Variants in DMD observed in about 807,000 individuals in gnomAD.
DMD encodes the protein mutant dystrophin.
DMD carries 63 observed loss-of-function variants against 330.1 expected under a neutral mutation model. The observed-to-expected ratio is 0.19, with a 90% CI of 0.16 to 0.24. The LOEUF is 0.24. DMD is among the 10% of genes least tolerant of loss of function. The pLI is 1.00. For synonymous variants in DMD, 1,223 were observed against 959.8 expected (o/e 1.27, Z -5.07); for missense variants, 3,344 against 2,684.1 (o/e 1.25, Z -5.43).
At chrX:32,968,022 A>T (rs1238998214) in intron 2 of DMD, among the ~76,000 whole-genome samples, 5 of 111,708 alleles carry the variant, frequency 4.5e-5, no homozygotes, top group Non-Finnish European at 9.4e-5. Flanking sequence ...TTCTTAACAG[A>T]CTATCATTTT....
chrX:33,314,570 G>GTTT (rs1170142842), intron 1 of DMD, among the ~76,000 whole-genome samples: 23 of 79,038 alleles, frequency 2.9e-4, no homozygotes, highest in Middle Eastern at 7.9e-3. Flanking sequence ...TTTTTTTTTT[G>GTTT]TTTTTTTTTT....
At chrX:31,268,012 T>A (rs2051314861) in intron 62 of DMD, among the ~76,000 whole-genome samples, 1 of 112,195 alleles carries the variant, frequency 8.9e-6, no homozygotes, top group Admixed American at 9.4e-5. Context: ...CCTTTCCGAT[T>A]GATTCATTCC....
At chrX:33,301,694 G>A (rs1446966861) in intron 1 of DMD, among the ~76,000 whole-genome samples, 1 of 111,500 alleles carries the variant, frequency 9.0e-6, no homozygotes, top group East Asian at 2.8e-4. Context: ...AGAGAGAAGG[G>A]ATGCTGTGTC....
intron 55 of DMD, among the ~76,000 whole-genome samples, chrX:31,510,174 A>G (rs1174828017): frequency 8.9e-6 from 1 of 111,905 alleles, no homozygotes; most frequent in Admixed American, 9.5e-5. Context: ...TGTGAAGTAC[A>G]TCACATTTTC....
At chrX:31,739,473 G>A (rs2087130683) in intron 51 of DMD, among the ~76,000 whole-genome samples, 1 of 111,342 alleles carries the variant, frequency 9.0e-6, no homozygotes, top group African/African-American at 3.3e-5. Context: ...TTGTAGTAAT[G>A]TTTCAATTTG....
intron 59 of DMD, among the ~76,000 whole-genome samples, chrX:31,456,399 T>C (rs769679307): frequency 8.9e-6 from 1 of 112,096 alleles, no homozygotes; most frequent in South Asian, 3.8e-4. Flanking sequence ...CTTTGCCGGG[T>C]AGCTACCTTT....
At chrX:31,788,480 T>C (rs1416435125) in intron 50 of DMD, among the ~76,000 whole-genome samples, 2 of 111,914 alleles carry the variant, frequency 1.8e-5, no homozygotes, top group Non-Finnish European at 3.8e-5. Flanking sequence ...GGACTCATTT[T>C]GTGGCCTAAC....
At chrX:32,496,289 A>C (rs2148661249) in intron 19 of DMD, among the ~76,000 whole-genome samples, 1 of 111,652 alleles carries the variant, frequency 9.0e-6, no homozygotes, top group East Asian at 2.8e-4. Flanking sequence ...GCTAATAAAC[A>C]GTCTCCTATT....
At chrX:31,744,888 A>G (rs2087695188) in intron 51 of DMD, among the ~76,000 whole-genome samples, 1 of 112,349 alleles carries the variant, frequency 8.9e-6, no homozygotes, top group African/African-American at 3.2e-5. Context: ...GGATGACATG[A>G]AAGAGACTCT....
chrX:31,340,689 A>C (rs1356802586), intron 61 of DMD, among the ~76,000 whole-genome samples: 1 of 112,358 alleles, frequency 8.9e-6, no homozygotes, highest in Non-Finnish European at 1.9e-5. Flanking sequence ...AGAAAAGGTC[A>C]CATTATTTAT....
At chrX:32,459,819 A>C (rs2148392770) in intron 25 of DMD, among the ~76,000 whole-genome samples, 1 of 111,308 alleles carries the variant, frequency 9.0e-6, no homozygotes, top group South Asian at 3.7e-4. Flanking sequence ...GGATAGGAAT[A>C]ATACTTCTGG....
chrX:32,722,407 T>G (rs1156610744), intron 7 of DMD, among the ~76,000 whole-genome samples: 1 of 110,598 alleles, frequency 9.0e-6, no homozygotes, highest in Non-Finnish European at 1.9e-5. Context: ...TTAAAGTATA[T>G]AGGGGGGTGT....
intron 2 of DMD, among the ~76,000 whole-genome samples, chrX:32,988,671 C>T (rs750393657): frequency 2.4e-4 from 27 of 111,827 alleles, no homozygotes; most frequent in East Asian, 8.5e-4. Context: ...TCAAGTTATA[C>T]GGATATGTAT....
chrX:32,864,267 C>T (rs1284178598), intron 2 of DMD, among the ~76,000 whole-genome samples: 1 of 111,779 alleles, frequency 8.9e-6, no homozygotes, highest in Admixed American at 9.5e-5. Flanking sequence ...ATGAAACAGA[C>T]ACAATATAAG....
intron 45 of DMD, among the ~76,000 whole-genome samples, chrX:31,968,079 C>T (rs989000546): frequency 7.2e-5 from 8 of 111,343 alleles, no homozygotes; most frequent in African/African-American, 2.6e-4. Flanking sequence ...AAGATATTCA[C>T]CTTTAAGCAA....
rs1241691535 is a variant in DMD, at chrX:32,555,317, C to A, written c.1993-9983G>T. Among the ~76,000 whole-genome samples the A allele has an allele frequency of 2.7e-5, 3 of 111,098 alleles. No homozygotes were observed. In the East Asian group the frequency reaches 8.6e-4, roughly 32 times the overall value. ...GAACATACCTCAAAATAATAAGAGC[C>A]ATAAATTATAAACCCACATCCAAAT... On this transcript the variant is annotated intron_variant, in intron 16 of 78. Coordinates refer to ENST00000357033, the MANE Select transcript of DMD (RefSeq NM_004006.3).
chrX:32,842,210 A>T (rs2080222197), intron 4 of DMD, among the ~76,000 whole-genome samples: 1 of 112,125 alleles, frequency 8.9e-6, no homozygotes, highest in Non-Finnish European at 1.9e-5. Flanking sequence ...ACAATCAGCG[A>T]AACGGACAAT....
intron 44 of DMD, 83 bp from the exon 45 acceptor site, chrX:31,968,597 T>C: frequency 2.0e-6 from 2 of 1,016,598 alleles, no homozygotes; most frequent in Non-Finnish European, 2.7e-6. Context: ...TGCTACCACA[T>C]GCAGTTGTAC....
chrX:31,527,409 T>C (rs2073328360), intron 55 of DMD, among the ~76,000 whole-genome samples: 2 of 111,699 alleles, frequency 1.8e-5, no homozygotes, highest in African/African-American at 6.5e-5. Context: ...TAAGTTAGGG[T>C]TGTCAGATAA....
Sources: gnomAD v4.1 joint callset for allele counts (sites outside exome capture counted in the v4.1 genomes callset) on GRCh38, gnomAD v4.1.1 for gene constraint, MANE v1.5 for transcripts, NCBI Gene and HGNC (gene_info 2026-07-23, HGNC 2026-07-21) for gene names.